The following GPR107 variants were observed in gnomAD, a reference collection of about 807,000 sequenced individuals.
GPR107 encodes G protein-coupled receptor 107.
In GPR107, 31 loss-of-function variants were observed where a neutral mutation model predicts 75.5. The observed-to-expected ratio is 0.41, with a 90% CI of 0.31 to 0.55. GPR107 has a LOEUF of 0.55. GPR107 is among the 20% of genes least tolerant of loss of function. The pLI is 0.26. For synonymous variants in GPR107, 267 were observed against 251.3 expected, an observed-to-expected ratio of 1.06 and a Z score of -0.59; for missense variants, 572 against 665.7, an observed-to-expected ratio of 0.86 and a Z score of 1.55.
intron 9 of GPR107, among the ~76,000 whole-genome samples, chr9:130,096,491 C>T (rs1425534936): frequency 9.0e-6 from 1 of 111,094 alleles, no homozygotes; most frequent in Admixed American, 1.2e-4. Context: ...TTTTTTGAGA[C>T]CTCGTCTCAC....
At chr9:130,119,709 G>T (rs1392233846) in intron 14 of GPR107, among the ~76,000 whole-genome samples, 2 of 152,220 alleles carry the variant, frequency 1.3e-5, no homozygotes, top group African/African-American at 4.8e-5. Context: ...TGGAGCTCCA[G>T]TGTAGGGCTT....
At position 130,138,874 on chromosome 9, in the gene GPR107, G is replaced by A. The variant is rs1213591221; in HGVS notation, c.*3753G>A. On this transcript the variant is annotated 3_prime_UTR_variant, in exon 18 of 18. Coordinates refer to ENST00000347136, the MANE Select transcript of GPR107 (RefSeq NM_020960.5). The stretch of plus-strand genomic sequence containing the variant: ...AGCGATGCCTGTTGGAATTGCAGAT[G>A]CATTCTGGCCTTCTCCCCCGTCCTG... The A allele has an allele frequency of 6.6e-6, 1 of 152,180 alleles. No homozygotes were observed. The highest frequency in any genetic ancestry group is 2.4e-5 in the African/African-American group (1 of 41,436). The allele number at this position is 152,180 out of a possible 1,614,324, so 9.4% of individuals were successfully genotyped here.
intron 17 of GPR107, among the ~76,000 whole-genome samples, chr9:130,131,600 T>C (rs1373257998): frequency 2.0e-5 from 3 of 147,784 alleles, no homozygotes; most frequent in Non-Finnish European, 3.0e-5. Flanking sequence ...CAGGTCCCCC[T>C]GTCCTCCTGC....
intron 17 of GPR107, chr9:130,130,027 T>C (rs1831781677): frequency 6.6e-6 from 1 of 152,196 alleles, no homozygotes; most frequent in African/African-American, 2.4e-5. Flanking sequence ...TAAAATTTTG[T>C]TTTGGTGCTT....
chr9:130,062,361 T>C (rs2132536037), intron 1 of GPR107, among the ~76,000 whole-genome samples: 1 of 149,992 alleles, frequency 6.7e-6, no homozygotes, highest in Admixed American at 6.7e-5. Flanking sequence ...TGCAGTGAGC[T>C]GAGATTGCGC....
chr9:130,114,575 AGAGTCTCACC>A, intron 14 of GPR107: 1 of 450,454 alleles, frequency 2.2e-6, no homozygotes, highest in Non-Finnish European at 4.3e-6. Flanking sequence ...TTGTGGAGAT[AGAGTCTCACC>A]ATTTTGCCCA....
rs201554553 is a variant in GPR107, at chr9:130,099,454, T to C, written c.864-3T>C. 1.2e-5 allele frequency: 19 copies of C among 1,552,268 alleles called. No homozygotes were observed. Among genetic ancestry groups the C allele is most frequent in the Non-Finnish European group, 1.7e-5 (19 of 1,124,172 alleles). ...TTTAATTGTTTTCTCTCTGTTTTTA[T>C]AGGAATGATGTATTTAAAATCCACT... On this transcript the variant is annotated splice_polypyrimidine_tract_variant and splice_region_variant and intron_variant, in intron 9 of 17. Coordinates refer to ENST00000347136, the MANE Select transcript of GPR107 (RefSeq NM_020960.5).
At chr9:130,097,913 G>A (rs1004779215) in intron 9 of GPR107, among the ~76,000 whole-genome samples, 7 of 151,372 alleles carry the variant, frequency 4.6e-5, no homozygotes, top group South Asian at 2.1e-4. Flanking sequence ...ACAGGGACTC[G>A]CTCTGTCACC....
intron 1 of GPR107, among the ~76,000 whole-genome samples, chr9:130,056,450 A>AAAATAAAT (rs143876476): frequency 0.23 from 35,293 of 150,654 alleles, 4,264 homozygotes; most frequent in Non-Finnish European, 0.28. Flanking sequence ...ACTCCGTCTC[A>AAAATAAAT]AAATAAATAA....
chr9:130,109,107 C>A (rs1831233648), intron 14 of GPR107, among the ~76,000 whole-genome samples: 1 of 140,142 alleles, frequency 7.1e-6, no homozygotes, highest in Admixed American at 8.1e-5. Flanking sequence ...TCAAGCAATT[C>A]TTCTGCCTCA....
intron 5 of GPR107, among the ~76,000 whole-genome samples, chr9:130,080,627 GACTA>G (rs1040783824): frequency 2.0e-5 from 3 of 151,744 alleles, no homozygotes; most frequent in African/African-American, 7.3e-5. Context: ...AAGTAGCTGG[GACTA>G]CAGGCGCCCG....
At chr9:130,091,382 CAGGT>C (rs1205199361) in intron 8 of GPR107, among the ~76,000 whole-genome samples, 2 of 151,938 alleles carry the variant, frequency 1.3e-5, no homozygotes, top group Admixed American at 6.6e-5. Context: ...CCCGGCTACT[CAGGT>C]GGGAGGATTT....
At chr9:130,098,038 C>T (rs1830921978) in intron 9 of GPR107, among the ~76,000 whole-genome samples, 1 of 152,114 alleles carries the variant, frequency 6.6e-6, no homozygotes, top group African/African-American at 2.4e-5. Context: ...TGCACCGCCA[C>T]ACCCAGCTAA....
intron 4 of GPR107, among the ~76,000 whole-genome samples, chr9:130,077,920 C>G (rs1306410229): frequency 6.6e-6 from 1 of 152,168 alleles, no homozygotes; most frequent in Non-Finnish European, 1.5e-5. Context: ...AATCCCAGCC[C>G]TTTGGGAGGC....
At chr9:130,119,691 G>C (rs1294507608) in intron 14 of GPR107, among the ~76,000 whole-genome samples, 3 of 152,164 alleles carry the variant, frequency 2.0e-5, no homozygotes, top group Admixed American at 6.5e-5. Context: ...TGCTGCTTCA[G>C]CTGTGACTGG....
chr9:130,055,255 G>C (rs10123049), intron 1 of GPR107, among the ~76,000 whole-genome samples: 148,753 of 152,036 alleles, frequency 0.98, 72,796 homozygotes, highest in East Asian at 1. Context: ...ATCACGAGGT[G>C]AGGAGATCGA....
intron 7 of GPR107, among the ~76,000 whole-genome samples, chr9:130,086,717 G>A (rs577375144): frequency 1.7e-4 from 26 of 152,050 alleles, no homozygotes; most frequent in Admixed American, 4.6e-4. Context: ...TAGGTGACAC[G>A]GTACAGTTTC....
At chr9:130,124,487 C>G (rs939667365) in intron 14 of GPR107, among the ~76,000 whole-genome samples, 1 of 152,198 alleles carries the variant, frequency 6.6e-6, no homozygotes, top group Non-Finnish European at 1.5e-5. Context: ...GGAGACCCCC[C>G]CAGGTGGTTC....
intron 12 of GPR107, among the ~76,000 whole-genome samples, chr9:130,102,345 C>T (rs1347056743): frequency 2.6e-5 from 4 of 152,142 alleles, no homozygotes; most frequent in Non-Finnish European, 4.4e-5. Flanking sequence ...CACCCGGCTG[C>T]GTGTGCCTCT....
Sources: gnomAD v4.1 joint callset for allele counts (sites outside exome capture counted in the v4.1 genomes callset) on GRCh38, gnomAD v4.1.1 for gene constraint, MANE v1.5 for transcripts, NCBI Gene and HGNC (gene_info 2026-07-23, HGNC 2026-07-21) for gene names.